KIAA1210: variants seen among roughly 807,000 people sequenced by gnomAD.
KIAA1210 encodes KIAA1210.
Under a neutral mutation model 78.9 loss-of-function variants are expected in KIAA1210, and 48 were observed. The observed-to-expected ratio is 0.61, with a 90% CI of 0.48 to 0.77. The LOEUF is 0.77. KIAA1210 is among the 30% of genes least tolerant of loss of function. KIAA1210 has a pLI of 0.00. For synonymous variants in KIAA1210, 406 were observed against 404.5 expected, an observed-to-expected ratio of 1.00 and a Z score of -0.04; for missense variants, 1,108 against 1,100.0, an observed-to-expected ratio of 1.01 and a Z score of -0.10.
intron 3 of KIAA1210, among the ~76,000 whole-genome samples, chrX:119,111,865 A>G (rs962987895): frequency 8.9e-6 from 1 of 111,776 alleles, no homozygotes; most frequent in Non-Finnish European, 1.9e-5. Context: ...TTGGCAATGG[A>G]TTTTTAGATA....
At position 119,148,325 on chromosome X, in the gene KIAA1210, A is replaced by G. The variant is rs371510368; in HGVS notation, c.290-732T>C. On this transcript the variant is annotated intron_variant, in intron 1 of 13. Coordinates refer to the KIAA1210 transcript ENST00000402510. Reference sequence around the variant, plus strand: ...TGTGCTGGGAGTCAGGGTACTCAGGAGTCTAATCTTTGTATTGCCACTGAC... The same window carrying G: ...TGTGCTGGGAGTCAGGGTACTCAGGGGTCTAATCTTTGTATTGCCACTGAC... 1.4e-3 allele frequency among the ~76,000 whole-genome samples: 159 copies of G among 111,559 alleles called. 2 individuals carry two copies. The highest frequency in any genetic ancestry group is 4.5e-3 in the African/African-American group (139 of 30,695).
At position 119,088,609 on chromosome X, in the gene KIAA1210, G is replaced by A. The variant is rs201552635; in HGVS notation, c.2093C>T (p.Pro698Leu). 3 of 1,211,581 alleles carry A rather than the reference G, an allele frequency of 2.5e-6. No homozygotes were observed. Among genetic ancestry groups the A allele is most frequent in the Admixed American group, 4.3e-5 (2 of 46,067 alleles). The change falls in exon 9 of 12, where the codon CCT (proline) becomes CTT (leucine). Residue 698 changes from proline to leucine, a missense_variant. By Grantham distance (98) the Pro-to-Leu change is moderately conservative. Around this residue, in one of 5 missense-constraint regions of KIAA1210, gnomAD observed 672 missense variants for 607.1 expected, o/e 1.11. Coordinates refer to ENST00000691062, the MANE Select transcript of KIAA1210 (RefSeq NM_001394962.1). ...DDCSSSEEDL[P>L]LRHPAQALGK... ...CAAGGCCTGAGCAGGGTGTCTGAGA[G>A]GCAGGTCTTCCTCTGAGCTGCTGCA...
In KIAA1210 at chrX:119,136,681, A is replaced by G. The variant is rs770633615; in HGVS notation, c.410+10792T>C. 8.0e-5 allele frequency among the ~76,000 whole-genome samples: 9 copies of G among 112,042 alleles called. 1 individual carries two copies. The South Asian group carries it at 3.4e-3, about 43-fold the overall frequency. On this transcript the variant is annotated intron_variant, in intron 2 of 13. Coordinates refer to the KIAA1210 transcript ENST00000402510. The stretch of plus-strand genomic sequence containing the variant: ...ATCTCTACAAAAAAAAATTTCTGAA[A>G]CTTTAGAAAATTTCTAAAAATATTT...
Position 119,116,544 on chromosome X carries a change from T to C in KIAA1210, c.182A>G (p.Asn61Ser), listed in dbSNP as rs1431364735. ...CCGAACGGGCTGCAGAGAAGAGATGTTAATGTTGCTGCTGGACAAGCTCAG... is the reference window on the plus strand; with the variant it reads ...CCGAACGGGCTGCAGAGAAGAGATGCTAATGTTGCTGCTGGACAAGCTCAG... The part of the protein sequence containing the change: ...LELSLSSSNI[N>S]ISSLQPVREN... The change falls in exon 3 of 12, where the codon AAC becomes AGC. Residue 61 changes from asparagine (N) to serine (S), a missense_variant. Transcript: ENST00000691062. 6 of 1,210,234 alleles carry C rather than the reference T, an allele frequency of 5.0e-6. No homozygotes were observed. The highest frequency in any genetic ancestry group is 2.2e-5 in the Admixed American group (1 of 45,899).
At chrX:119,094,922 T>C (rs1037418467) in intron 7 of KIAA1210, among the ~76,000 whole-genome samples, 5 of 111,676 alleles carry the variant, frequency 4.5e-5, no homozygotes, top group Non-Finnish European at 9.4e-5. Flanking sequence ...GGTGAGGTAT[T>C]CAGGGGATAA....
At chrX:119,086,083 T>A (rs1343637047) in intron 9 of KIAA1210, among the ~76,000 whole-genome samples, 1 of 112,660 alleles carries the variant, frequency 8.9e-6, no homozygotes, top group African/African-American at 3.2e-5. Context: ...AATTCTTAGA[T>A]ATTTCAGATG....
chrX:119,082,067 C>G (rs1926984455), intron 11 of KIAA1210, among the ~76,000 whole-genome samples: 1 of 111,859 alleles, frequency 8.9e-6, no homozygotes, highest in African/African-American at 3.2e-5. Context: ...GGTCAATTGA[C>G]TTAGTGACTT....
At chrX:119,117,026 T>C (rs937399832) in intron 2 of KIAA1210, among the ~76,000 whole-genome samples, 3 of 112,279 alleles carry the variant, frequency 2.7e-5, no homozygotes, top group Non-Finnish European at 5.6e-5. Flanking sequence ...GAAGCAATGA[T>C]TGAGGCAATG....
chrX:119,105,680 A>C (rs1200811474), intron 5 of KIAA1210, among the ~76,000 whole-genome samples: 1 of 111,886 alleles, frequency 8.9e-6, no homozygotes, highest in Non-Finnish European at 1.9e-5. Flanking sequence ...ATTTTCTGGG[A>C]TTTTAAAGAA....
In KIAA1210 at chrX:119,088,866, C is replaced by G. The variant is rs187135137; in HGVS notation, c.1836G>C (p.Glu612Asp). The G allele has an allele frequency of 3.4e-4, 411 of 1,209,664 alleles. 1 individual carries two copies. The African/African-American group carries it at 6.7e-3, about 20-fold the overall frequency. Residue 612 changes from glutamate to aspartate, a missense_variant, in exon 9 of 12, where the codon GAG becomes GAC. This residue lies in a region of KIAA1210 where 672 missense variants were observed against 607.1 expected (regional missense o/e 1.11). Coordinates refer to ENST00000691062, the MANE Select transcript of KIAA1210 (RefSeq NM_001394962.1). ...EVSSDSENIPEEGDGSEELAH... is the reference protein window; with the variant it reads ...EVSSDSENIPDEGDGSEELAH... ...CCAGTTCTTCAGAACCATCCCCCTC[C>G]TCAGGAATATTCTCTGAATCTGAGG...
At chrX:119,095,888 G>A (rs1927536890) in intron 7 of KIAA1210, among the ~76,000 whole-genome samples, 1 of 111,610 alleles carries the variant, frequency 9.0e-6, no homozygotes, top group South Asian at 3.8e-4. Context: ...ATATTAAATG[G>A]CCCCAGATTG....
chrX:119,097,462 C>T (rs1054657256), intron 6 of KIAA1210, among the ~76,000 whole-genome samples: 1 of 111,775 alleles, frequency 8.9e-6, no homozygotes, highest in Admixed American at 9.5e-5. Context: ...AAGAAGATTT[C>T]GATTTCTGTT....
At position 119,080,516 on chromosome X, in the gene KIAA1210, G is replaced by A. The variant is rs978150748; in HGVS notation, c.*813C>T. On this transcript the variant is annotated 3_prime_UTR_variant, in exon 12 of 12. Coordinates refer to ENST00000691062, the MANE Select transcript of KIAA1210 (RefSeq NM_001394962.1). The stretch of plus-strand genomic sequence containing the variant: ...CTTAGAGCAACAACCAAATAATTGC[G>A]GCATCTATCTAGGCTCATAAAACCT... The A allele has an allele frequency of 5.4e-5, 6 of 111,798 alleles. No homozygotes were observed. Among genetic ancestry groups the A allele is most frequent in the East Asian group, 5.6e-4 (2 of 3,566 alleles). 9.2% of individuals were successfully genotyped at this position (111,798 alleles called of 1,213,427 possible).
At chrX:119,120,811 G>A (rs950130254) in intron 2 of KIAA1210, among the ~76,000 whole-genome samples, 2 of 111,865 alleles carry the variant, frequency 1.8e-5, no homozygotes, top group East Asian at 2.8e-4. Flanking sequence ...GTGTGGTGGT[G>A]GTATAGCTTT....
At position 119,089,707 on chromosome X, in the gene KIAA1210, T is replaced by C. The variant is rs748723354; in HGVS notation, c.995A>G (p.Tyr332Cys). Reference sequence around the variant, plus strand: ...AGCCTGGTCTGTTGTCTTCTTATCATACATCTCAGTTTTGTTGTTCTGTTT... The same window carrying C: ...AGCCTGGTCTGTTGTCTTCTTATCACACATCTCAGTTTTGTTGTTCTGTTT... ...SQKQNNKTEM[Y>C]DKKTTDQAPN... is the part of the protein sequence containing the mutation. The change falls in exon 9 of 12, where the codon TAT becomes TGT. Residue 332 changes from tyrosine (Y) to cysteine (C), a missense_variant. This residue lies in a region of KIAA1210 where 672 missense variants were observed against 607.1 expected (regional missense o/e 1.11). Coordinates refer to ENST00000691062, the MANE Select transcript of KIAA1210 (RefSeq NM_001394962.1). The C allele has an allele frequency of 5.0e-6, 6 of 1,207,241 alleles. No homozygotes were observed. The South Asian group carries it at 8.9e-5, about 18-fold the overall frequency.
chrX:119,107,117 C>A (rs190558950), intron 5 of KIAA1210, among the ~76,000 whole-genome samples: 1 of 112,392 alleles, frequency 8.9e-6, no homozygotes, highest in Admixed American at 9.4e-5. Context: ...ATGTTGTCTT[C>A]AGCCTTGTTT....
chrX:119,135,218 T>C (rs1201014792), intron 2 of KIAA1210, among the ~76,000 whole-genome samples: 7 of 111,771 alleles, frequency 6.3e-5, no homozygotes, highest in African/African-American at 1.6e-4. Context: ...CAAAATCTGG[T>C]CAATTTGAAA....
At position 119,088,775 on chromosome X, in the gene KIAA1210, T is replaced by C; in HGVS notation, c.1927A>G (p.Lys643Glu). The change falls in exon 9 of 12, where the codon AAA becomes GAA. Residue 643 changes from lysine to glutamate, a missense_variant. Lys to Glu is a moderately conservative substitution (Grantham distance 56). Around this residue, in one of 5 missense-constraint regions of KIAA1210, gnomAD observed 672 missense variants for 607.1 expected, o/e 1.11. Coordinates refer to ENST00000691062, the MANE Select transcript of KIAA1210 (RefSeq NM_001394962.1). ...CTGCTCAAGTCCTCAACAAAACTTT[T>C]TGATTCTGAGAAGACTTCTTGTTCA... Reference protein sequence around the residue: ...EDEQEVFSESKSFVEDLSSSE... With the variant: ...EDEQEVFSESESFVEDLSSSE... 3 of 1,209,958 alleles carry C rather than the reference T, an allele frequency of 2.5e-6. No individual in the cohort carries two copies. The highest frequency in any genetic ancestry group is 1.1e-6 in the Non-Finnish European group (1 of 895,136).
At chrX:119,134,738 C>T (rs1431048945) in intron 2 of KIAA1210, among the ~76,000 whole-genome samples, 2 of 112,194 alleles carry the variant, frequency 1.8e-5, no homozygotes, top group East Asian at 2.8e-4. Context: ...CTCTGAGCAC[C>T]CTGATTGTCA....
Sources: allele counts gnomAD v4.1 joint callset (sites outside exome capture counted in the v4.1 genomes callset), GRCh38; gene constraint gnomAD v4.1.1; regional missense constraint gnomAD v4.1.1; transcripts MANE v1.5; gene names NCBI Gene and HGNC (gene_info 2026-07-23, HGNC 2026-07-21).